The following KALRN variants were observed in gnomAD, a reference collection of about 807,000 sequenced individuals.
KALRN encodes kalirin.
Under a neutral mutation model 353.7 loss-of-function variants are expected in KALRN, and 70 were observed. That is an observed-to-expected ratio of 0.20 (90% confidence interval 0.16 to 0.24). KALRN has a LOEUF of 0.24. Among genes scored for constraint, KALRN ranks in the 10% least tolerant of loss-of-function variants. The pLI, the probability that KALRN is intolerant of heterozygous loss-of-function variation, is 1.00. For missense variants in KALRN, 2,791 were observed against 3,756.7 expected (o/e 0.74, Z 6.72); for synonymous variants, 1,391 against 1,434.8 (o/e 0.97, Z 0.69).
intron 1 of KALRN, among the ~76,000 whole-genome samples, chr3:124,131,262 C>G (rs899518980): frequency 6.6e-6 from 1 of 152,148 alleles, no homozygotes; most frequent in East Asian, 1.9e-4. Context: ...TTTCCTGCTT[C>G]CAACTTGCTC....
At chr3:124,057,546 T>C (rs1263507791) in intron 1 of KALRN, among the ~76,000 whole-genome samples, 5 of 152,174 alleles carry the variant, frequency 3.3e-5, no homozygotes, top group Non-Finnish European at 1.5e-5. Context: ...GGGAAGCAGA[T>C]GTGAGTTTAA....
At chr3:124,505,427 C>G (rs576357481) in intron 33 of KALRN, among the ~76,000 whole-genome samples, 16 of 152,206 alleles carry the variant, frequency 1.1e-4, no homozygotes, top group African/African-American at 3.4e-4. Flanking sequence ...TCTAGGAGCT[C>G]AAGACCAGCC....
intron 6 of KALRN, among the ~76,000 whole-genome samples, chr3:124,318,046 G>T (rs1157007575): frequency 6.6e-6 from 1 of 152,140 alleles, no homozygotes; most frequent in Non-Finnish European, 1.5e-5. Flanking sequence ...CCAGATCCTG[G>T]GTTTCCTGTG....
intron 2 of KALRN, 110 bp downstream of exon 2, chr3:124,228,174 T>C: frequency 2.2e-6 from 2 of 909,992 alleles, no homozygotes; most frequent in South Asian, 2.7e-5. Flanking sequence ...GGTGGGGAAG[T>C]TATGCTTGGG....
At chr3:124,259,895 C>A (rs1295222572) in intron 3 of KALRN, among the ~76,000 whole-genome samples, 1 of 152,156 alleles carries the variant, frequency 6.6e-6, no homozygotes, top group Non-Finnish European at 1.5e-5. Context: ...GTCATTTTAG[C>A]AAAGACCCTT....
At chr3:124,226,780 C>T (rs567370664) in intron 1 of KALRN, among the ~76,000 whole-genome samples, 67 of 152,264 alleles carry the variant, frequency 4.4e-4, no homozygotes, top group African/African-American at 1.5e-3. Context: ...TGGGATTGTC[C>T]TGCCCAGCAT....
At chr3:124,272,658 C>T (rs185471375) in intron 5 of KALRN, among the ~76,000 whole-genome samples, 2 of 152,080 alleles carry the variant, frequency 1.3e-5, no homozygotes, top group Admixed American at 1.3e-4. Context: ...AAGGGTGGGA[C>T]GAGGGCAGCC....
chr3:124,333,786 G>A (rs980697894), intron 8 of KALRN, among the ~76,000 whole-genome samples: 4 of 152,198 alleles, frequency 2.6e-5, no homozygotes, highest in Non-Finnish European at 5.9e-5. Context: ...TACTCAGGAG[G>A]CTGAGGCAGG....
At chr3:124,376,701 C>G (rs1007806349) in intron 10 of KALRN, among the ~76,000 whole-genome samples, 3 of 152,158 alleles carry the variant, frequency 2.0e-5, no homozygotes, top group African/African-American at 7.2e-5. Context: ...CAAACACATT[C>G]TGAGTGCTAA....
intron 22 of KALRN, among the ~76,000 whole-genome samples, chr3:124,456,163 A>C (rs573484563): frequency 6.6e-6 from 1 of 152,336 alleles, no homozygotes; most frequent in Non-Finnish European, 1.5e-5. Context: ...TTCCAAGGGA[A>C]ATTTCTTGTT....
In KALRN at chr3:124,726,147, G is replaced by C. The variant is rs2063416228; in HGVS notation, c.*6677G>C. The C allele has an allele frequency of 6.6e-6, 1 of 152,104 alleles. No individual in the cohort carries two copies. The highest frequency in any genetic ancestry group is 6.6e-5 in the Admixed American group (1 of 15,266). The allele number at this position is 152,104 out of a possible 1,614,324, so 9.4% of individuals were successfully genotyped here. A position where few individuals can be genotyped will look rare whatever the true frequency, so the allele number is the denominator to read the frequency against. On this transcript the variant is annotated 3_prime_UTR_variant, in exon 60 of 60. Coordinates refer to ENST00000682506, the MANE Select transcript of KALRN (RefSeq NM_001388419.1). ...TTTTGTATGCACACAATGTCGTTTT[G>C]TAAAGGTAGGTTGTAAATATTTTAT...
At chr3:124,042,718 G>T (rs935505926) in intron 1 of KALRN, among the ~76,000 whole-genome samples, 5 of 152,160 alleles carry the variant, frequency 3.3e-5, no homozygotes, top group African/African-American at 7.2e-5. Context: ...GGCAGGGGAA[G>T]AGGGGGGATT....
chr3:124,667,799 A>C (rs2085838288), intron 47 of KALRN, among the ~76,000 whole-genome samples: 1 of 152,100 alleles, frequency 6.6e-6, no homozygotes, highest in Non-Finnish European at 1.5e-5. Flanking sequence ...GGTGGTGTGA[A>C]CTGGAGTGAA....
At chr3:124,712,007 C>G (rs977827213) in intron 57 of KALRN, among the ~76,000 whole-genome samples, 5 of 152,014 alleles carry the variant, frequency 3.3e-5, no homozygotes, top group African/African-American at 1.2e-4. Flanking sequence ...TATGAGGACA[C>G]AAAGGCATAA....
intron 56 of KALRN, among the ~76,000 whole-genome samples, chr3:124,701,284 A>C (rs1489146082): frequency 6.6e-6 from 1 of 152,218 alleles, no homozygotes; most frequent in Non-Finnish European, 1.5e-5. Flanking sequence ...CTACTCAGGC[A>C]TATATTGTGG....
intron 54 of KALRN, 110 bp from the exon 55 acceptor site, chr3:124,697,483 G>A: frequency 8.8e-7 from 1 of 1,136,224 alleles, no homozygotes; most frequent in South Asian, 1.8e-5. Flanking sequence ...GAAGGTCACA[G>A]GAAAAAATTG....
intron 45 of KALRN, among the ~76,000 whole-genome samples, chr3:124,662,687 A>G (rs2085048709): frequency 6.6e-6 from 1 of 152,230 alleles, no homozygotes; most frequent in Admixed American, 6.5e-5. Flanking sequence ...GCTGTGTCCC[A>G]AAGATTTTGG....
chr3:124,144,109 G>A (rs1481947859), intron 1 of KALRN, among the ~76,000 whole-genome samples: 1 of 152,056 alleles, frequency 6.6e-6, no homozygotes, highest in Non-Finnish European at 1.5e-5. Context: ...TTCCCAAATA[G>A]CATCCCAAAT....
chr3:124,268,859 C>A lies in KALRN; in HGVS notation c.573C>A (p.Ser191=), dbSNP rs1464416153. ...AGGAGTGGATCGAACTGCGGCTCTC[C>A]CTGGAGGAGTTCTTCAACAGCGCCG... ...NHEEWIELRL[S]LEEFFNSAVH... Residue 191 remains serine, a synonymous_variant, in exon 5 of 60, where the codon TCC becomes TCA. Coordinates refer to ENST00000682506, the MANE Select transcript of KALRN (RefSeq NM_001388419.1). The A allele has an allele frequency of 6.2e-7, 1 of 1,613,976 alleles. No individual in the cohort carries two copies. The highest frequency in any genetic ancestry group is 8.5e-7 in the Non-Finnish European group (1 of 1,180,034).
Sources: gnomAD v4.1 joint callset for allele counts (sites outside exome capture counted in the v4.1 genomes callset) on GRCh38, gnomAD v4.1.1 for gene constraint, MANE v1.5 for transcripts, NCBI Gene and HGNC (gene_info 2026-07-23, HGNC 2026-07-21) for gene names.